The following NBEA variants were observed in gnomAD, a reference collection of about 807,000 sequenced individuals.
NBEA encodes lysosomal-trafficking regulator 2.
In NBEA, 44 loss-of-function variants were observed where a neutral mutation model predicts 343.4. The ratio of observed to expected loss-of-function variants is 0.13; its 90% confidence interval spans 0.10 to 0.16. NBEA has a LOEUF of 0.16. NBEA is among the 10% of genes least tolerant of loss of function. NBEA has a pLI of 1.00. For missense variants in NBEA, 2,555 were observed against 3,631.3 expected, an observed-to-expected ratio of 0.70 and a Z score of 7.62; for synonymous variants, 1,175 against 1,238.7, an observed-to-expected ratio of 0.95 and a Z score of 1.08.
chr13:35,617,455 G>A (rs2082784792), intron 48 of NBEA, among the ~76,000 whole-genome samples: 1 of 152,168 alleles, frequency 6.6e-6, no homozygotes, highest in Non-Finnish European at 1.5e-5. Context: ...TTTCCTTGAA[G>A]GAAGCCTACG....
At chr13:35,448,829 C>T (rs1312163517) in intron 39 of NBEA, among the ~76,000 whole-genome samples, 1 of 152,110 alleles carries the variant, frequency 6.6e-6, no homozygotes, top group East Asian at 1.9e-4. Context: ...GGGCACCAGG[C>T]ACTGAAGCTA....
At position 35,110,824 on chromosome 13, in the gene NBEA, A is replaced by G. The variant is rs2066167049; in HGVS notation, c.1848A>G (p.Leu616=). ...TTCTGTATTAGGTTCAGCTTTCCCT[A>G]TACACATATTTGTCTGCTGAATTTA... ...IHTPAKVQLS[L]YTYLSAEFIG... Residue 616 remains leucine, a synonymous_variant, in exon 13 of 59, where the codon CTA becomes CTG. Coordinates refer to ENST00000379939, the MANE Select transcript of NBEA (RefSeq NM_001385012.1). The G allele has an allele frequency of 6.2e-7, 1 of 1,611,448 alleles. No homozygotes were observed. The highest frequency in any genetic ancestry group is 1.7e-5 in the Admixed American group (1 of 59,954).
intron 48 of NBEA, among the ~76,000 whole-genome samples, chr13:35,613,646 A>G (rs931046154): frequency 6.6e-6 from 1 of 151,992 alleles, no homozygotes; most frequent in Non-Finnish European, 1.5e-5. Flanking sequence ...GTTTTGAGAC[A>G]GTGTCTCACT....
At chr13:35,520,641 C>A (rs1463086577) in intron 41 of NBEA, among the ~76,000 whole-genome samples, 1 of 152,102 alleles carries the variant, frequency 6.6e-6, no homozygotes, top group African/African-American at 2.4e-5. Context: ...TCTCTTTTTT[C>A]CAACTAGCTT....
intron 11 of NBEA, among the ~76,000 whole-genome samples, chr13:35,099,121 GTT>G (rs964434859): frequency 3.4e-4 from 50 of 148,684 alleles, no homozygotes; most frequent in African/African-American, 1.2e-3. Flanking sequence ...CATCTCCTGA[GTT>G]CGATCAAGCG....
chr13:35,066,722 C>G (rs1236880781), intron 8 of NBEA, among the ~76,000 whole-genome samples: 2 of 151,854 alleles, frequency 1.3e-5, no homozygotes, highest in Non-Finnish European at 2.9e-5. Flanking sequence ...ATTATCCAGT[C>G]TGACAATCTC....
At position 35,253,320 on chromosome 13, in the gene NBEA, G is replaced by A. The variant is rs144411926; in HGVS notation, c.5776+20701G>A. Among the ~76,000 whole-genome samples, 1,274 of 152,254 alleles carry A rather than the reference G, an allele frequency of 8.4e-3. 19 individuals carry two copies. The highest frequency in any genetic ancestry group is 0.026 in the African/African-American group (1,073 of 41,556). On this transcript the variant is annotated intron_variant, in intron 34 of 58. Transcript: ENST00000379939. ...CTACTGGCACCACTTTTCCAAAAACGTGCTCACTTCGTGTCTCTTTGTTGG... is the reference window on the plus strand; with the variant it reads ...CTACTGGCACCACTTTTCCAAAAACATGCTCACTTCGTGTCTCTTTGTTGG...
chr13:35,124,895 G>A (rs1476246987), intron 17 of NBEA, among the ~76,000 whole-genome samples: 2 of 151,894 alleles, frequency 1.3e-5, no homozygotes, highest in African/African-American at 4.8e-5. Flanking sequence ...AGAAGCATAT[G>A]CCCTTTTTAT....
rs765985837 is a variant in NBEA at position 35,159,568 on chromosome 13, G to A, written c.3397G>A (p.Ala1133Thr). 17 of 1,612,206 alleles carry A rather than the reference G, an allele frequency of 1.1e-5. No individual in the cohort carries two copies. Among genetic ancestry groups the A allele is most frequent in the Non-Finnish European group, 1.4e-5 (16 of 1,179,346 alleles). The change falls in exon 22 of 59, where the codon GCA (alanine) becomes ACA (threonine). Residue 1133 changes from alanine to threonine, a missense_variant. By Grantham distance (58) the Ala-to-Thr change is moderately conservative. This residue lies in a region of NBEA where 367 missense variants were observed against 377.5 expected (regional missense o/e 0.97). Coordinates refer to ENST00000379939, the MANE Select transcript of NBEA (RefSeq NM_001385012.1). ...GGATAATGGTCCATTGATAACATTA[G>A]CAGATGAGAAAGAAGACCTTCCCAA... is the stretch of plus-strand genomic sequence containing the variant. ...EKDNGPLITL[A>T]DEKEDLPNSS...
chr13:35,496,312 T>A (rs1173637370), intron 41 of NBEA, among the ~76,000 whole-genome samples: 1 of 151,878 alleles, frequency 6.6e-6, no homozygotes, highest in African/African-American at 2.4e-5. Context: ...TTGTGTTCCT[T>A]AAATTGGATT....
intron 16 of NBEA, among the ~76,000 whole-genome samples, chr13:35,118,977 A>G (rs147820823): frequency 0.018 from 2,797 of 152,238 alleles, 57 homozygotes; most frequent in Middle Eastern, 0.044. Context: ...CATGAGTTGA[A>G]GGACAAACTG....
rs2074344836 is a variant in NBEA at position 35,221,168 on chromosome 13, AC to A, written c.5648+9993del. Among the ~76,000 whole-genome samples, 5 of 151,984 alleles carry A rather than the reference AC, an allele frequency of 3.3e-5. No homozygotes were observed. In the South Asian group the frequency reaches 8.3e-4, roughly 25 times the overall value. On this transcript the variant is annotated intron_variant, in intron 33 of 58. Coordinates refer to ENST00000379939, the MANE Select transcript of NBEA (RefSeq NM_001385012.1). The stretch of plus-strand genomic sequence containing the variant: ...AGACCAGCCTGACCTTCATAGTGAA[AC>A]CCCATCTCTGCTAAAAATACAAAAA...
intron 41 of NBEA, among the ~76,000 whole-genome samples, chr13:35,546,450 T>C (rs888550982): frequency 6.8e-6 from 1 of 146,812 alleles, no homozygotes; most frequent in African/African-American, 2.6e-5. Flanking sequence ...GCTGACAGAA[T>C]GAGACTCCAT....
At chr13:34,973,466 C>A (rs1218001650) in intron 1 of NBEA, among the ~76,000 whole-genome samples, 1 of 152,134 alleles carries the variant, frequency 6.6e-6, no homozygotes, top group African/African-American at 2.4e-5. Flanking sequence ...AGGAAGTTTT[C>A]AAATCTTTGT....
At chr13:34,975,094 GA>G (rs2060120841) in intron 1 of NBEA, among the ~76,000 whole-genome samples, 2 of 152,150 alleles carry the variant, frequency 1.3e-5, no homozygotes, top group Non-Finnish European at 2.9e-5. Context: ...CAAGCAGGTA[GA>G]AATGGCTGCA....
intron 25 of NBEA, among the ~76,000 whole-genome samples, chr13:35,170,135 T>A (rs2070349371): frequency 6.6e-6 from 1 of 151,774 alleles, no homozygotes. Flanking sequence ...AGAAATGTTT[T>A]GAGTATTTTG....
chr13:35,302,074 C>G (rs942764942), intron 35 of NBEA, among the ~76,000 whole-genome samples: 1 of 152,080 alleles, frequency 6.6e-6, no homozygotes. Context: ...GAAGGGTGGC[C>G]CAAACTGTAA....
At chr13:35,518,463 C>T (rs2077569049) in intron 41 of NBEA, among the ~76,000 whole-genome samples, 1 of 152,162 alleles carries the variant, frequency 6.6e-6, no homozygotes, top group African/African-American at 2.4e-5. Flanking sequence ...AAGCCAAAGT[C>T]TGTGGTTTTC....
chr13:35,414,689 A>G (rs1440854353), intron 38 of NBEA, among the ~76,000 whole-genome samples: 2 of 152,214 alleles, frequency 1.3e-5, no homozygotes, highest in Non-Finnish European at 1.5e-5. Flanking sequence ...CACAATAAAC[A>G]TACGTGTGCA....
Sources: allele counts gnomAD v4.1 joint callset (sites outside exome capture counted in the v4.1 genomes callset), GRCh38; gene constraint gnomAD v4.1.1; regional missense constraint gnomAD v4.1.1; transcripts MANE v1.5; gene names NCBI Gene and HGNC (gene_info 2026-07-23, HGNC 2026-07-21).